FECH: variants seen among roughly 807,000 people sequenced by gnomAD.
FECH encodes ferrochelatase, mitochondrial.
FECH carries 40 observed loss-of-function variants against 56.9 expected under a neutral mutation model. The observed-to-expected ratio is 0.70, with a 90% confidence interval of 0.55 to 0.92. FECH has a LOEUF of 0.92. Among genes scored for constraint, FECH ranks in the 40% least tolerant of loss-of-function variants. The pLI is 0.00. For missense variants in FECH, 431 were observed against 529.1 expected (o/e 0.81, Z 1.82); for synonymous variants, 175 against 198.6 (o/e 0.88, Z 1.00).
chr18:57,558,205 G>A (rs2050892601), intron 7 of FECH, among the ~76,000 whole-genome samples: 1 of 152,204 alleles, frequency 6.6e-6, no homozygotes, highest in African/African-American at 2.4e-5. Context: ...CTGGTTTTAG[G>A]ATAGAATGCT....
At chr18:57,583,387 C>T (rs531968797) in intron 1 of FECH, among the ~76,000 whole-genome samples, 5 of 152,238 alleles carry the variant, frequency 3.3e-5, no homozygotes, top group Admixed American at 6.5e-5. Flanking sequence ...AAATCCCACA[C>T]GGGACCAAGA....
At position 57,554,467 on chromosome 18, in the gene FECH, T is replaced by G. The variant is rs28451199; in HGVS notation, c.913-43A>C. ...GAATGCGTAAGTGGACTATGCCTCC[T>G]GACGGTCTGTAGTACCCCTGTTTGC... On this transcript the variant is annotated intron_variant, in intron 8 of 10. Transcript: ENST00000262093. The G allele has an allele frequency of 7.4e-3, 11,982 of 1,610,624 alleles. 760 individuals carry two copies. In the African/African-American group the frequency reaches 0.14, roughly 19 times the overall value.
At position 57,574,105 on chromosome 18, in the gene FECH, A is replaced by G. The variant is rs1047248421; in HGVS notation, c.195-740T>C. Among the ~76,000 whole-genome samples the G allele has an allele frequency of 1.2e-4, 18 of 152,204 alleles. 1 individual carries two copies. The highest frequency in any genetic ancestry group is 4.1e-4 in the African/African-American group (17 of 41,442). On this transcript the variant is annotated intron_variant, in intron 2 of 10. Coordinates refer to ENST00000262093, the MANE Select transcript of FECH (RefSeq NM_000140.5). ...CTGCAACCTCCGCCTTCCAGGTTTA[A>G]GCAATTCTCCTGCCTCGGCCTCCCA...
chr18:57,576,093 G>A (rs1368418842), intron 2 of FECH, among the ~76,000 whole-genome samples: 1 of 152,174 alleles, frequency 6.6e-6, no homozygotes, highest in African/African-American at 2.4e-5. Flanking sequence ...CAATGCAGGA[G>A]CCTTGGCAGC....
rs1330301297 is a variant in FECH at position 57,563,584 on chromosome 18, A to C, written c.599-604T>G. Among the ~76,000 whole-genome samples the C allele has an allele frequency of 8.1e-4, 121 of 149,320 alleles. 3 individuals are homozygous for C. The highest frequency in any genetic ancestry group is 1.2e-3 in the Non-Finnish European group (82 of 67,164). ...AACAAGAGCGAAACTCCGTCCCAAA[A>C]AAAAAAAAAAAAAAAAAAAAGTATG... On this transcript the variant is annotated intron_variant, in intron 5 of 10. Transcript: ENST00000262093.
At chr18:57,556,189 G>A (rs1357831451) in intron 7 of FECH, among the ~76,000 whole-genome samples, 1 of 152,098 alleles carries the variant, frequency 6.6e-6, no homozygotes, top group African/African-American at 2.4e-5. Flanking sequence ...CTACTGGTCT[G>A]TTTAAAAGCC....
intron 6 of FECH, 124 bp downstream of exon 6, chr18:57,562,750 C>T: frequency 2.8e-6 from 2 of 726,778 alleles, no homozygotes; most frequent in Non-Finnish European, 5.0e-6. Context: ...TTATTTAATC[C>T]CAAACACACA....
intron 1 of FECH, among the ~76,000 whole-genome samples, chr18:57,585,278 T>C (rs1389837262): frequency 6.6e-6 from 1 of 152,256 alleles, no homozygotes; most frequent in Non-Finnish European, 1.5e-5. Context: ...TGAAGTATTA[T>C]AACTATGCCT....
Position 57,544,605 on chromosome 18 carries a change from A to G in FECH, c.*6107T>C, listed in dbSNP as rs1037829. On this transcript the variant is annotated 3_prime_UTR_variant, in exon 11 of 11. Coordinates refer to ENST00000262093, the MANE Select transcript of FECH (RefSeq NM_000140.5). ...TCACACATATCGACATTTTGTTTAC[A>G]TTCATGAGCAATGCAAATATGAAAC... Among the ~76,000 whole-genome samples the G allele has an allele frequency of 0.035, 5,318 of 152,320 alleles. 421 individuals carry two copies. The highest frequency in any genetic ancestry group is 0.3 in the East Asian group (1,556 of 5,180).
chr18:57,563,264 T>C (rs896684625), intron 5 of FECH, among the ~76,000 whole-genome samples: 1 of 152,316 alleles, frequency 6.6e-6, no homozygotes, highest in Non-Finnish European at 1.5e-5. Flanking sequence ...AGCAGTCATA[T>C]TTACAGGGAC....
chr18:57,580,879 G>T (rs547516813), intron 1 of FECH, among the ~76,000 whole-genome samples: 5 of 152,222 alleles, frequency 3.3e-5, no homozygotes. Context: ...CCCAGGGTCT[G>T]TGCAGGCATT....
Position 57,586,679 on chromosome 18 carries a change from C to A in FECH, c.-59G>T. 4 of 1,444,244 alleles carry A rather than the reference C, an allele frequency of 2.8e-6. No homozygotes were observed. The highest frequency in any genetic ancestry group is 3.7e-6 in the Non-Finnish European group (4 of 1,092,904). The allele number at this position is 1,444,244 out of a possible 1,614,324, so 89.5% of individuals were successfully genotyped here. Reference sequence around the variant, plus strand: ...TCCCGCGGCGGCGCGCCCAGGTGTCCGCCCAGCAGTGGCCGAGCCGGGTAG... The same window carrying A: ...TCCCGCGGCGGCGCGCCCAGGTGTCAGCCCAGCAGTGGCCGAGCCGGGTAG... On this transcript the variant is annotated 5_prime_UTR_variant, in exon 1 of 11. Coordinates refer to ENST00000262093, the MANE Select transcript of FECH (RefSeq NM_000140.5).
chr18:57,571,655 A>G (rs1599003810), intron 3 of FECH, 115 bp from the exon 4 acceptor site: 3 of 1,490,016 alleles, frequency 2.0e-6, no homozygotes, highest in Non-Finnish European at 1.8e-6. Context: ...TAACAAGATT[A>G]AGCCTTTAAA....
At chr18:57,586,469 C>G (rs898367013) in intron 1 of FECH, 85 bp downstream of exon 1, 32 of 1,409,906 alleles carry the variant, frequency 2.3e-5, no homozygotes, top group Non-Finnish European at 3.0e-5. Context: ...CCCCCGGGCG[C>G]GAGGGCCCGG....
chr18:57,576,912 T>C (rs1444404094), intron 2 of FECH, among the ~76,000 whole-genome samples: 2 of 152,230 alleles, frequency 1.3e-5, no homozygotes, highest in South Asian at 2.1e-4. Context: ...TGAACGTTCA[T>C]GTTCCGTTTG....
chr18:57,559,426 G>T (rs1453770879), intron 6 of FECH, among the ~76,000 whole-genome samples, 183 bp from the exon 7 acceptor site: 4 of 152,150 alleles, frequency 2.6e-5, no homozygotes, highest in Non-Finnish European at 5.9e-5. Context: ...CATCAAAATG[G>T]ATCATAACAG....
chr18:57,576,187 T>C (rs188681355), intron 2 of FECH, among the ~76,000 whole-genome samples: 30 of 152,214 alleles, frequency 2.0e-4, no homozygotes, highest in African/African-American at 7.2e-4. Flanking sequence ...CATTGCCAAA[T>C]TTGTCCCAGG....
chr18:57,554,358 TC>T lies in FECH; in HGVS notation c.978del (p.Arg327GlyfsTer9). On this transcript the variant is annotated frameshift_variant, in exon 9 of 11. Transcript: ENST00000262093. LOFTEE classifies it high-confidence loss of function. ...ATCGGAACCAAGAGGATATTCTTCC[TC>T]CCCCTCTCACAAAGCCCTTTGATAG... Reference protein sequence around the residue: ...DESIKGLCERGRKNILLVPIA... With the variant: ...DESIKGLCERXRKNILLVPIA... 6.2e-7 allele frequency: 1 copy of T among 1,614,120 alleles called. No individual in the cohort carries two copies. Among genetic ancestry groups the T allele is most frequent in the Non-Finnish European group, 8.5e-7 (1 of 1,180,010 alleles).
At chr18:57,556,051 C>T (rs956428315) in intron 7 of FECH, among the ~76,000 whole-genome samples, 3 of 152,222 alleles carry the variant, frequency 2.0e-5, no homozygotes, top group African/African-American at 7.2e-5. Context: ...ATCACTTGAA[C>T]TCAGGAGGCG....
Sources: gnomAD v4.1 joint callset for allele counts (sites outside exome capture counted in the v4.1 genomes callset) on GRCh38, gnomAD v4.1.1 for gene constraint, MANE v1.5 for transcripts, NCBI Gene and HGNC (gene_info 2026-07-23, HGNC 2026-07-21) for gene names.